Variants in TMEM132D observed in about 807,000 individuals in gnomAD.
TMEM132D encodes the protein mature OL transmembrane protein.
A neutral mutation model predicts 62.3 loss-of-function variants in TMEM132D; 21 were observed. The observed-to-expected ratio is 0.34, with a 90% CI of 0.24 to 0.49. TMEM132D has a LOEUF of 0.49. Ranked by LOEUF, TMEM132D falls within the 20% of genes least tolerant of loss-of-function variation. The pLI, the probability that TMEM132D is intolerant of heterozygous loss-of-function variation, is 0.99. For synonymous variants in TMEM132D, 621 were observed against 575.6 expected (o/e 1.08, Z -1.13); for missense variants, 1,346 against 1,402.8 (o/e 0.96, Z 0.65).
intron 5 of TMEM132D, among the ~76,000 whole-genome samples, chr12:129,139,993 G>A (rs992530796): frequency 1.3e-5 from 2 of 151,912 alleles, no homozygotes; most frequent in African/African-American, 4.8e-5. Context: ...TGGGATTACA[G>A]GCATAAACCA....
rs1177032899 is a variant in TMEM132D at position 129,466,302 on chromosome 12, T to G, written c.1115+64757A>C. On this transcript the variant is annotated intron_variant, in intron 3 of 8. Transcript: ENST00000422113. ...TCCTTTTTTTTTTTTTTTTTTTTTT[T>G]TTTTTTTTTTTTTTTTTTTTTTAGA... Among the ~76,000 whole-genome samples the G allele has an allele frequency of 8.3e-4, 98 of 117,410 alleles. 17 individuals carry two copies. Among genetic ancestry groups the G allele is most frequent in the African/African-American group, 1.5e-3 (42 of 28,274 alleles). The allele number at this position is 117,410 out of a possible 152,430, so 77.0% of individuals were successfully genotyped here. A position where few individuals can be genotyped will look rare whatever the true frequency, so the allele number is the denominator to read the frequency against.
intron 2 of TMEM132D, among the ~76,000 whole-genome samples, chr12:129,608,921 C>G (rs897302839): frequency 3.3e-5 from 5 of 150,612 alleles, no homozygotes; most frequent in African/African-American, 1.2e-4. Flanking sequence ...GGTCTGGGCT[C>G]TGAGTTGGGC....
chr12:129,792,009 C>T (rs953575234), intron 1 of TMEM132D, among the ~76,000 whole-genome samples: 1 of 152,082 alleles, frequency 6.6e-6, no homozygotes, highest in Non-Finnish European at 1.5e-5. Flanking sequence ...TCAAGGGTGA[C>T]GTTGTGAGGG....
chr12:129,416,971 T>A (rs963937685), intron 3 of TMEM132D, among the ~76,000 whole-genome samples: 2 of 152,198 alleles, frequency 1.3e-5, no homozygotes, highest in Non-Finnish European at 2.9e-5. Context: ...ATTTTCACAT[T>A]GATGATTATC....
At chr12:129,629,027 C>G (rs1364954663) in intron 2 of TMEM132D, among the ~76,000 whole-genome samples, 2 of 151,810 alleles carry the variant, frequency 1.3e-5, no homozygotes, top group Admixed American at 6.6e-5. Context: ...ACCTGGTTCT[C>G]TCCCTCTATC....
intron 1 of TMEM132D, among the ~76,000 whole-genome samples, chr12:129,752,054 T>C (rs773593976): frequency 3.3e-5 from 5 of 152,196 alleles, no homozygotes; most frequent in African/African-American, 4.8e-5. Flanking sequence ...ATGAGAGAAA[T>C]ATCAATTTGC....
rs576146468 is a variant in TMEM132D at position 129,381,057 on chromosome 12, G to A, written c.1116-43240C>T. ...TAATCAAAGACCTCCTTCAAGCCTG[G>A]TAGTAGCAACTTTGATACAAATCAT... is the stretch of plus-strand genomic sequence containing the variant. On this transcript the variant is annotated intron_variant, in intron 3 of 8. Transcript: ENST00000422113. Among the ~76,000 whole-genome samples the A allele has an allele frequency of 3.3e-5, 5 of 152,232 alleles. No homozygotes were observed. In the South Asian group the frequency reaches 1.0e-3, roughly 32 times the overall value.
At chr12:129,657,994 T>G (rs1880137123) in intron 2 of TMEM132D, among the ~76,000 whole-genome samples, 1 of 152,208 alleles carries the variant, frequency 6.6e-6, no homozygotes, top group African/African-American at 2.4e-5. Context: ...CTAGTGGAAC[T>G]TATCTTCCAG....
At chr12:129,646,496 G>T (rs1380046906) in intron 2 of TMEM132D, among the ~76,000 whole-genome samples, 1 of 152,052 alleles carries the variant, frequency 6.6e-6, no homozygotes, top group Non-Finnish European at 1.5e-5. Flanking sequence ...AAAGGCTTTT[G>T]TATTAGGGGA....
At position 129,800,842 on chromosome 12, in the gene TMEM132D, A is replaced by C. The variant is rs557546628; in HGVS notation, c.80-100144T>G. On this transcript the variant is annotated intron_variant, in intron 1 of 8. Transcript: ENST00000422113. ...CTAGGGAGTGCCAGACAGTGGGCAC[A>C]GCTCAGTGGGTGCGCGCACCGTGCA... Among the ~76,000 whole-genome samples the C allele has an allele frequency of 1.7e-3, 263 of 152,280 alleles. 2 individuals carry two copies. The highest frequency in any genetic ancestry group is 6.0e-3 in the African/African-American group (250 of 41,570).
chr12:129,254,542 G>T (rs964989923), intron 4 of TMEM132D, among the ~76,000 whole-genome samples: 1 of 152,106 alleles, frequency 6.6e-6, no homozygotes, highest in Non-Finnish European at 1.5e-5. Context: ...ATAAATATGA[G>T]TATCTAAATT....
At chr12:129,794,076 GT>G (rs71082755) in intron 1 of TMEM132D, among the ~76,000 whole-genome samples, 82,647 of 145,380 alleles carry the variant, frequency 0.57, 25,214 homozygotes, top group Non-Finnish European at 0.7. Context: ...AAGTGTATGG[GT>G]TTTTTTTTTT....
chr12:129,554,581 A>G (rs1876999269), intron 2 of TMEM132D, among the ~76,000 whole-genome samples: 2 of 151,864 alleles, frequency 1.3e-5, no homozygotes, highest in Admixed American at 1.3e-4. Context: ...TCTTTAGACA[A>G]CCCTCTCTTC....
chr12:129,092,561 TG>T (rs1296471021), intron 5 of TMEM132D, among the ~76,000 whole-genome samples: 1 of 152,058 alleles, frequency 6.6e-6, no homozygotes, highest in African/African-American at 2.4e-5. Context: ...CCAGGCTTGG[TG>T]GCGGCGCCTG....
chr12:129,389,471 A>AAC (rs1457122653), intron 3 of TMEM132D, among the ~76,000 whole-genome samples: 5 of 152,200 alleles, frequency 3.3e-5, no homozygotes, highest in African/African-American at 1.2e-4. Context: ...TGTCACTGCC[A>AAC]ACACCAACAC....
intron 1 of TMEM132D, among the ~76,000 whole-genome samples, chr12:129,870,815 G>A (rs1417898050): frequency 6.6e-6 from 1 of 152,068 alleles, no homozygotes; most frequent in African/African-American, 2.4e-5. Flanking sequence ...GGGAATCAAT[G>A]GACAAAGCCC....
Position 129,074,852 on chromosome 12 carries a change from C to T in TMEM132D, c.2323G>A (p.Glu775Lys), listed in dbSNP as rs1244480082. The T allele has an allele frequency of 2.5e-6, 4 of 1,613,930 alleles. No homozygotes were observed. Among genetic ancestry groups the T allele is most frequent in the Non-Finnish European group, 3.4e-6 (4 of 1,180,020 alleles). Residue 775 changes from glutamate to lysine, a missense_variant, in exon 9 of 9, where the codon GAA becomes AAA. By Grantham distance (56) the Glu-to-Lys change is moderately conservative. Transcript: ENST00000422113. ...TTCCGCTTGGATTTCTGGCAGGATT[C>T]ACTAATAACCATTTCCACCTTGACC... Reference protein sequence around the residue: ...TLVKVEMVISESCQKSKRKSV... With the variant: ...TLVKVEMVISKSCQKSKRKSV...
rs200677454 is a variant in TMEM132D, at chr12:129,703,464, T to C, written c.80-2766A>G. 3.3e-3 allele frequency among the ~76,000 whole-genome samples: 87 copies of C among 26,258 alleles called. No homozygotes were observed. The Admixed American group carries it at 0.058, about 17-fold the overall frequency. The allele number at this position is 26,258 out of a possible 152,430, so 17.2% of individuals were successfully genotyped here. On this transcript the variant is annotated intron_variant, in intron 1 of 8. Coordinates refer to ENST00000422113, the MANE Select transcript of TMEM132D (RefSeq NM_133448.3). Reference sequence around the variant, plus strand: ...GACCTAAAGCTAGTGTCACTTCCTTTCTTTTTTTTTTTTAACTAATACTAC... The same window carrying C: ...GACCTAAAGCTAGTGTCACTTCCTTCCTTTTTTTTTTTTAACTAATACTAC...
chr12:129,251,083 C>A (rs542869087), intron 4 of TMEM132D, among the ~76,000 whole-genome samples: 1 of 152,164 alleles, frequency 6.6e-6, no homozygotes, highest in East Asian at 1.9e-4. Context: ...GAAAGCTGGG[C>A]GCCGTGGCTC....
Sources: gnomAD v4.1 joint callset for allele counts (sites outside exome capture counted in the v4.1 genomes callset) on GRCh38, gnomAD v4.1.1 for gene constraint, MANE v1.5 for transcripts, NCBI Gene and HGNC (gene_info 2026-07-23, HGNC 2026-07-21) for gene names.